GRIP1: variants seen among roughly 807,000 people sequenced by gnomAD.
The protein encoded by GRIP1 is glutamate receptor-interacting protein 1.
A neutral mutation model predicts 129.9 loss-of-function variants in GRIP1; 45 were observed. That is an observed-to-expected ratio of 0.35 (90% CI 0.27 to 0.44). The LOEUF (loss-of-function observed/expected upper bound fraction) is 0.44. Among genes scored for constraint, GRIP1 ranks in the 20% least tolerant of loss-of-function variants. The pLI is 1.00. For missense variants in GRIP1, 1,196 were observed against 1,396.8 expected (o/e 0.86, Z 2.29); for synonymous variants, 530 against 520.8 (o/e 1.02, Z -0.24).
intron 1 of GRIP1, among the ~76,000 whole-genome samples, chr12:67,013,298 G>A (rs978437675): frequency 2.0e-5 from 3 of 152,078 alleles, no homozygotes; most frequent in Non-Finnish European, 2.9e-5. Flanking sequence ...GATTACAAAT[G>A]CTCTTCATTA....
At chr12:66,660,959 CATCTT>C (rs1346103664) in intron 1 of GRIP1, among the ~76,000 whole-genome samples, 2 of 151,686 alleles carry the variant, frequency 1.3e-5, no homozygotes, top group Non-Finnish European at 2.9e-5. Context: ...ACAAATATAT[CATCTT>C]ATCTTTCTAG....
At chr12:66,520,691 G>T (rs1267395666) in intron 5 of GRIP1, among the ~76,000 whole-genome samples, 2 of 152,130 alleles carry the variant, frequency 1.3e-5, no homozygotes, top group East Asian at 3.9e-4. Context: ...TACATCATCA[G>T]TTGTCTTGAG....
At chr12:66,607,421 G>A (rs1460150426) in intron 1 of GRIP1, among the ~76,000 whole-genome samples, 5 of 152,098 alleles carry the variant, frequency 3.3e-5, no homozygotes, top group East Asian at 1.9e-4. Flanking sequence ...CCTATAAATG[G>A]TTTATCATTT....
chr12:67,000,504 G>A (rs1405458624), intron 1 of GRIP1, among the ~76,000 whole-genome samples: 1 of 152,178 alleles, frequency 6.6e-6, no homozygotes, highest in Non-Finnish European at 1.5e-5. Context: ...CCTTTGGAGA[G>A]CTTTCAATTA....
rs79780039 is a variant in GRIP1, at chr12:66,873,678, C to T, written c.58+195372G>A. Among the ~76,000 whole-genome samples the T allele has an allele frequency of 4.7e-3, 710 of 151,998 alleles. 8 individuals are homozygous for T. The highest frequency in any genetic ancestry group is 0.016 in the African/African-American group (664 of 41,448). On this transcript the variant is annotated intron_variant, in intron 1 of 1. Transcript: ENST00000643019. ...CTATTATATAGTTTGTATTTTCTTCCAGCTTACCACAAGTCCCTGGTGCTA... is the reference window on the plus strand; with the variant it reads ...CTATTATATAGTTTGTATTTTCTTCTAGCTTACCACAAGTCCCTGGTGCTA...
chr12:66,523,102 T>C (rs1325630319), intron 5 of GRIP1, among the ~76,000 whole-genome samples: 1 of 151,492 alleles, frequency 6.6e-6, no homozygotes, highest in African/African-American at 2.4e-5. Flanking sequence ...GGGAAAACAC[T>C]CTGCAGGATA....
chr12:66,682,516 A>G (rs1213704510), upstream of GRIP1, among the ~76,000 whole-genome samples: 1 of 152,154 alleles, frequency 6.6e-6, no homozygotes. Flanking sequence ...GATTGGCTCA[A>G]AGATTCCAAT....
intron 1 of GRIP1, among the ~76,000 whole-genome samples, chr12:66,948,644 G>A (rs923280618): frequency 1.3e-5 from 2 of 152,158 alleles, no homozygotes; most frequent in African/African-American, 4.8e-5. Flanking sequence ...TGGCACACAG[G>A]AAACATGAGG....
intron 1 of GRIP1, among the ~76,000 whole-genome samples, chr12:66,834,159 C>A: frequency 8.7e-6 from 1 of 115,534 alleles, no homozygotes; most frequent in Admixed American, 1.3e-4. Context: ...GCCTGTGCAA[C>A]ACAGCGAGAC....
intron 5 of GRIP1, among the ~76,000 whole-genome samples, chr12:66,528,677 G>A (rs775635017): frequency 9.9e-5 from 15 of 152,102 alleles, no homozygotes; most frequent in East Asian, 5.8e-4. Context: ...CAGTGATATC[G>A]AAAAATATAA....
chr12:67,044,744 A>G (rs2043228232), intron 1 of GRIP1, among the ~76,000 whole-genome samples: 1 of 152,188 alleles, frequency 6.6e-6, no homozygotes, highest in African/African-American at 2.4e-5. Context: ...GTCCTATCAT[A>G]TGCTGTTCTA....
chr12:66,614,384 T>C (rs2064946339), intron 1 of GRIP1, among the ~76,000 whole-genome samples: 2 of 152,092 alleles, frequency 1.3e-5, no homozygotes, highest in South Asian at 4.2e-4. Flanking sequence ...CACCATAGCA[T>C]CCTCATCTCA....
chr12:66,867,411 C>A (rs1339096368), intron 1 of GRIP1, among the ~76,000 whole-genome samples: 1 of 152,094 alleles, frequency 6.6e-6, no homozygotes, highest in Non-Finnish European at 1.5e-5. Flanking sequence ...TCATTGTTTT[C>A]ACTTTAAATT....
chr12:66,623,891 T>C (rs1436281479), intron 1 of GRIP1, among the ~76,000 whole-genome samples: 2 of 152,194 alleles, frequency 1.3e-5, no homozygotes, highest in Non-Finnish European at 2.9e-5. Flanking sequence ...TATAGGAATA[T>C]ATGAATTTTT....
At chr12:67,012,966 T>G (rs900700877) in intron 1 of GRIP1, among the ~76,000 whole-genome samples, 1 of 152,176 alleles carries the variant, frequency 6.6e-6, no homozygotes, top group Non-Finnish European at 1.5e-5. Context: ...GCTTTGTAAA[T>G]AGAAAATAAT....
chr12:67,032,037 T>C (rs925422072), intron 1 of GRIP1, among the ~76,000 whole-genome samples: 4 of 152,302 alleles, frequency 2.6e-5, no homozygotes, highest in South Asian at 4.1e-4. Context: ...TGGTTAGGGA[T>C]ACACTTCAGA....
chr12:66,994,214 T>C (rs180960196), intron 1 of GRIP1, among the ~76,000 whole-genome samples: 20 of 150,724 alleles, frequency 1.3e-4, no homozygotes, highest in South Asian at 2.1e-4. Context: ...AAAAAAGCTA[T>C]AGACAATTAT....
intron 1 of GRIP1, among the ~76,000 whole-genome samples, chr12:67,023,575 T>TC (rs1336647676): frequency 6.6e-6 from 1 of 152,142 alleles, no homozygotes; most frequent in Non-Finnish European, 1.5e-5. Flanking sequence ...CTTTTTTTTT[T>TC]CAGTTGTTTT....
intron 7 of GRIP1, among the ~76,000 whole-genome samples, chr12:66,470,056 C>T (rs563371015): frequency 1.3e-5 from 2 of 152,244 alleles, no homozygotes; most frequent in South Asian, 2.1e-4. Flanking sequence ...TCCTTTCTTT[C>T]CATCTCCATG....
Sources: allele counts gnomAD v4.1 joint callset (sites outside exome capture counted in the v4.1 genomes callset), GRCh38; gene constraint gnomAD v4.1.1; transcripts MANE v1.5; gene names NCBI Gene and HGNC (gene_info 2026-07-23, HGNC 2026-07-21).